Variants in RIN3 observed in about 807,000 individuals in gnomAD.
RIN3 encodes RAB5 interacting protein 3.
RIN3 carries 54 observed loss-of-function variants against 76.3 expected under a neutral mutation model. That is an observed-to-expected ratio of 0.71 (90% CI 0.57 to 0.89). The LOEUF is 0.89. Among genes scored for constraint, RIN3 ranks in the 40% least tolerant of loss-of-function variants. The pLI, the probability that RIN3 is intolerant of heterozygous loss-of-function variation, is 0.00. For missense variants in RIN3, 1,256 were observed against 1,322.1 expected, an observed-to-expected ratio of 0.95 and a Z score of 0.78; for synonymous variants, 576 against 564.0, an observed-to-expected ratio of 1.02 and a Z score of -0.30.
At chr14:92,581,484 A>G (rs1898435138) in intron 3 of RIN3, among the ~76,000 whole-genome samples, 2 of 152,172 alleles carry the variant, frequency 1.3e-5, no homozygotes, top group Non-Finnish European at 2.9e-5. Flanking sequence ...TAGGAGCCTG[A>G]GTTGGGAGTG....
Position 92,653,190 on chromosome 14 carries a change from A to G in RIN3, c.2026+115A>G. 4 of 1,135,520 alleles carry G rather than the reference A, an allele frequency of 3.5e-6. No individual in the cohort carries two copies. In the South Asian group the frequency reaches 6.5e-5, roughly 18 times the overall value. 70.3% of individuals were successfully genotyped at this position (1,135,520 alleles called of 1,614,324 possible). A position where few individuals can be genotyped will look rare whatever the true frequency, so the allele number is the denominator to read the frequency against. On this transcript the variant is annotated intron_variant, in intron 6 of 9. Coordinates refer to ENST00000216487, the MANE Select transcript of RIN3 (RefSeq NM_024832.5). ...TGGACGCTGTTGGTGCCCACCCCCTATCCCTTCCTGGGCACCAGGAACTTT... is the reference window on the plus strand; with the variant it reads ...TGGACGCTGTTGGTGCCCACCCCCTGTCCCTTCCTGGGCACCAGGAACTTT...
intron 4 of RIN3, among the ~76,000 whole-genome samples, chr14:92,625,808 G>A (rs1407528293): frequency 6.6e-6 from 1 of 152,164 alleles, no homozygotes; most frequent in South Asian, 2.1e-4. Flanking sequence ...GCCGTCTGTT[G>A]GAAGGTGGAT....
At chr14:92,547,211 A>G (rs1897300718) in intron 1 of RIN3, among the ~76,000 whole-genome samples, 1 of 82 alleles carries the variant, frequency 0.012, no homozygotes, top group Non-Finnish European at 0.25. Flanking sequence ...TCTTTATTTT[A>G]TTATTATAAA....
intron 4 of RIN3, among the ~76,000 whole-genome samples, chr14:92,627,557 A>G (rs189514873): frequency 1.8e-4 from 27 of 152,288 alleles, no homozygotes; most frequent in Middle Eastern, 3.4e-3. Flanking sequence ...CCGACCACCA[A>G]TGAAATACTT....
chr14:92,577,038 CAGTG>C (rs919054161), intron 2 of RIN3, among the ~76,000 whole-genome samples: 1 of 152,140 alleles, frequency 6.6e-6, no homozygotes, highest in Admixed American at 6.5e-5. Context: ...ATCAGTGTCT[CAGTG>C]GGTGGGGGCA....
Position 92,615,430 on chromosome 14 carries a change from C to A in RIN3, c.391C>A (p.Leu131Ile). 1 of 1,614,162 alleles carries A rather than the reference C, an allele frequency of 6.2e-7. No homozygotes were observed. Among genetic ancestry groups the A allele is most frequent in the South Asian group, 1.1e-5 (1 of 91,086 alleles). ...AGTATTGTACCTGGAAGGCTCGGCT[C>A]TTGTGTTTGAGGACATCTTCAGATT... ...KSILYLEGSALVFEDIFRLIA... is the reference protein window; with the variant it reads ...KSILYLEGSAIVFEDIFRLIA... The change falls in exon 4 of 10, where the codon CTT (leucine) becomes ATT (isoleucine). Residue 131 changes from leucine (L) to isoleucine (I), a missense_variant. Transcript: ENST00000216487.
chr14:92,532,226 T>C (rs1311176923), intron 1 of RIN3, among the ~76,000 whole-genome samples: 1 of 152,118 alleles, frequency 6.6e-6, no homozygotes, highest in Non-Finnish European at 1.5e-5. Context: ...CCTTCTCTTA[T>C]CTTACTGCTA....
intron 3 of RIN3, among the ~76,000 whole-genome samples, chr14:92,588,800 G>A (rs964813783): frequency 2.0e-5 from 3 of 152,088 alleles, no homozygotes; most frequent in Non-Finnish European, 4.4e-5. Context: ...TCTCTACTCA[G>A]TAACCATACT....
chr14:92,646,958 G>A (rs986902716), intron 5 of RIN3, among the ~76,000 whole-genome samples: 1 of 152,210 alleles, frequency 6.6e-6, no homozygotes, highest in African/African-American at 2.4e-5. Context: ...CAGAGCCAAG[G>A]AATGTCTAGT....
chr14:92,547,076 TATTA>T (rs1897288396), intron 1 of RIN3, among the ~76,000 whole-genome samples: 1 of 71,120 alleles, frequency 1.4e-5, no homozygotes, highest in Non-Finnish European at 3.5e-5. Context: ...TTTTATTTTA[TATTA>T]TATTATATTA....
At chr14:92,548,926 G>T (rs2140027345) in intron 1 of RIN3, among the ~76,000 whole-genome samples, 1 of 152,210 alleles carries the variant, frequency 6.6e-6, no homozygotes, top group East Asian at 1.9e-4. Flanking sequence ...GGATTTGGGG[G>T]CCCACAGTGG....
At chr14:92,564,254 T>C (rs937819264) in intron 2 of RIN3, among the ~76,000 whole-genome samples, 5 of 152,198 alleles carry the variant, frequency 3.3e-5, no homozygotes, top group Non-Finnish European at 7.3e-5. Context: ...GAGGGGAGCG[T>C]GGTGGCTGCA....
intron 3 of RIN3, among the ~76,000 whole-genome samples, chr14:92,583,822 C>A (rs1003390286): frequency 6.6e-6 from 1 of 152,200 alleles, no homozygotes; most frequent in Non-Finnish European, 1.5e-5. Flanking sequence ...GGGATGGTTT[C>A]TGGGTGAAAC....
intron 1 of RIN3, among the ~76,000 whole-genome samples, chr14:92,540,280 T>C (rs1417152205): frequency 6.6e-6 from 1 of 152,214 alleles, no homozygotes; most frequent in Non-Finnish European, 1.5e-5. Flanking sequence ...CCATAGAGCC[T>C]GTCCCCTGTT....
intron 3 of RIN3, among the ~76,000 whole-genome samples, chr14:92,599,241 C>A (rs1328699422): frequency 7.6e-6 from 1 of 131,536 alleles, no homozygotes; most frequent in African/African-American, 2.8e-5. Context: ...AGCCCCCCGC[C>A]CTTGGGGGTG....
intron 3 of RIN3, among the ~76,000 whole-genome samples, chr14:92,585,402 A>G (rs1474477575): frequency 6.6e-6 from 1 of 152,188 alleles, no homozygotes; most frequent in Non-Finnish European, 1.5e-5. Flanking sequence ...AGGAGGACTC[A>G]TCTAGCATTT....
intron 1 of RIN3, among the ~76,000 whole-genome samples, chr14:92,548,404 G>A (rs1242131977): frequency 6.6e-6 from 1 of 152,148 alleles, no homozygotes; most frequent in Non-Finnish European, 1.5e-5. Context: ...ACCACTAGGG[G>A]TAGGGTAGGT....
chr14:92,548,382 C>T lies in RIN3; in HGVS notation c.45-7369C>T, dbSNP rs745380. Among the ~76,000 whole-genome samples the T allele has an allele frequency of 5.9e-5, 9 of 152,236 alleles. No homozygotes were observed. The South Asian group carries it at 1.9e-3, about 32-fold the overall frequency. The stretch of plus-strand genomic sequence containing the variant: ...ACCTCTCTGTGCCTCTGTGTCTTCA[C>T]CTTTACATGAGACCACTAGGGGTAG... On this transcript the variant is annotated intron_variant, in intron 1 of 9. Coordinates refer to ENST00000216487, the MANE Select transcript of RIN3 (RefSeq NM_024832.5).
intron 5 of RIN3, among the ~76,000 whole-genome samples, chr14:92,645,953 A>G (rs77215075): frequency 1.3e-4 from 1 of 7,808 alleles, no homozygotes; most frequent in Non-Finnish European, 2.8e-4. Flanking sequence ...CTCTCTCTCA[A>G]AAAAAAAAAA....
Sources: gnomAD v4.1 joint callset for allele counts (sites outside exome capture counted in the v4.1 genomes callset) on GRCh38, gnomAD v4.1.1 for gene constraint, MANE v1.5 for transcripts, NCBI Gene and HGNC (gene_info 2026-07-23, HGNC 2026-07-21) for gene names.